Variants in DMD observed in about 807,000 individuals in gnomAD.
DMD encodes the protein dystrophin, also known as mutant dystrophin.
DMD carries 63 observed loss-of-function variants against 330.1 expected under a neutral mutation model. That is an observed-to-expected ratio of 0.19 (90% confidence interval 0.16 to 0.24). DMD has a LOEUF of 0.24. DMD is among the 10% of genes least tolerant of loss of function. The pLI, the probability that DMD is intolerant of heterozygous loss-of-function variation, is 1.00. For synonymous variants in DMD, 1,223 were observed against 959.8 expected (o/e 1.27, Z -5.07); for missense variants, 3,344 against 2,684.1 (o/e 1.25, Z -5.43).
intron 37 of DMD, among the ~76,000 whole-genome samples, chrX:32,352,036 T>C (rs1334125001): frequency 9.0e-6 from 1 of 111,230 alleles, no homozygotes; most frequent in Non-Finnish European, 1.9e-5. Context: ...TAGTTTTATT[T>C]TGTGTAGTTT....
intron 1 of DMD, among the ~76,000 whole-genome samples, chrX:33,133,244 A>G (rs2095509371): frequency 9.0e-6 from 1 of 111,593 alleles, no homozygotes; most frequent in Admixed American, 9.6e-5. Context: ...GTACAAACCT[A>G]AATATACAGT....
intron 59 of DMD, among the ~76,000 whole-genome samples, chrX:31,448,107 AC>A (rs2065429446): frequency 9.1e-6 from 1 of 110,431 alleles, no homozygotes; most frequent in Non-Finnish European, 1.9e-5. Context: ...GGAAGCTTTG[AC>A]TGGTGTGAGG....
intron 60 of DMD, among the ~76,000 whole-genome samples, chrX:31,395,832 C>T (rs902987221): frequency 1.2e-4 from 13 of 111,908 alleles, no homozygotes; most frequent in Non-Finnish European, 1.9e-4. Flanking sequence ...GTGTTTTTTG[C>T]TGCCATTGCA....
At chrX:31,772,017 T>C (rs1002504845) in intron 51 of DMD, among the ~76,000 whole-genome samples, 1 of 111,997 alleles carries the variant, frequency 8.9e-6, no homozygotes, top group Non-Finnish European at 1.9e-5. Context: ...GGAAGCTATG[T>C]CAATGGTAGA....
intron 15 of DMD, among the ~76,000 whole-genome samples, chrX:32,571,985 C>A (rs958852345): frequency 8.9e-6 from 1 of 111,985 alleles, no homozygotes; most frequent in African/African-American, 3.2e-5. Flanking sequence ...GATTCTTTTG[C>A]AAACTCTCAA....
At chrX:32,244,423 G>A (rs374475979) in intron 43 of DMD, among the ~76,000 whole-genome samples, 4 of 79,471 alleles carry the variant, frequency 5.0e-5, no homozygotes, top group Non-Finnish European at 7.1e-5. Flanking sequence ...ATAAACATAC[G>A]TGTGCATGTG....
intron 7 of DMD, among the ~76,000 whole-genome samples, chrX:32,733,332 C>G (rs1353493198): frequency 9.1e-6 from 1 of 109,924 alleles, no homozygotes; most frequent in African/African-American, 3.4e-5. Flanking sequence ...TAACACCCCA[C>G]TGTCAACATT....
intron 42 of DMD, among the ~76,000 whole-genome samples, chrX:32,293,488 G>A (rs2097482435): frequency 9.0e-6 from 1 of 110,963 alleles, no homozygotes; most frequent in Non-Finnish European, 1.9e-5. Flanking sequence ...AAGTCAGCTC[G>A]GGCAATTTAG....
At chrX:31,964,950 G>T (rs2095338871) in intron 45 of DMD, among the ~76,000 whole-genome samples, 1 of 111,206 alleles carries the variant, frequency 9.0e-6, no homozygotes. Flanking sequence ...AAAGAAGAAA[G>T]AATTATAATG....
intron 9 of DMD, among the ~76,000 whole-genome samples, chrX:32,676,815 T>C (rs1413559227): frequency 9.0e-6 from 1 of 111,459 alleles, no homozygotes; most frequent in Admixed American, 9.6e-5. Flanking sequence ...AGTATTTTAT[T>C]TTATAGTGTA....
chrX:31,305,924 G>A (rs916446254), intron 62 of DMD, among the ~76,000 whole-genome samples: 10 of 112,292 alleles, frequency 8.9e-5, no homozygotes, highest in African/African-American at 2.6e-4. Flanking sequence ...GGCAATAAGT[G>A]TACTTTACAT....
chrX:32,440,662 G>C (rs1294544431), intron 28 of DMD, among the ~76,000 whole-genome samples: 1 of 111,271 alleles, frequency 9.0e-6, no homozygotes, highest in Non-Finnish European at 1.9e-5. Flanking sequence ...AGTCTCCAAA[G>C]TAAAACTTAA....
At chrX:33,088,205 A>T (rs2095035238) in intron 1 of DMD, among the ~76,000 whole-genome samples, 1 of 110,848 alleles carries the variant, frequency 9.0e-6, no homozygotes, top group Admixed American at 9.7e-5. Flanking sequence ...ACAGGCATGC[A>T]GCTAATTTTT....
At chrX:31,487,302 A>G (rs2068884334) in intron 57 of DMD, among the ~76,000 whole-genome samples, 1 of 107,226 alleles carries the variant, frequency 9.3e-6, no homozygotes, top group Admixed American at 1.0e-4. Context: ...TCTGTCACTC[A>G]GGCTGGAGTG....
At chrX:32,800,616 G>A (rs1454803367) in intron 7 of DMD, among the ~76,000 whole-genome samples, 1 of 110,978 alleles carries the variant, frequency 9.0e-6, no homozygotes, top group African/African-American at 3.3e-5. Context: ...GTGCAGGTTT[G>A]TTACATAGGT....
intron 4 of DMD, among the ~76,000 whole-genome samples, chrX:32,835,944 T>A (rs193156900): frequency 2.5e-3 from 280 of 111,098 alleles, no homozygotes; most frequent in Non-Finnish European, 4.3e-3. Flanking sequence ...TTTTCATAGG[T>A]TTATAGAATT....
chrX:33,045,603 TGAGA>T (rs2094369028), intron 1 of DMD, among the ~76,000 whole-genome samples: 1 of 110,122 alleles, frequency 9.1e-6, no homozygotes, highest in African/African-American at 3.3e-5. Context: ...AGGGGGAAGT[TGAGA>T]GAGTTACAGA....
intron 55 of DMD, among the ~76,000 whole-genome samples, chrX:31,596,129 C>T (rs925746526): frequency 9.0e-6 from 1 of 111,064 alleles, no homozygotes; most frequent in Non-Finnish European, 1.9e-5. Flanking sequence ...AATTTGTTCT[C>T]AATTATTTTG....
At chrX:31,207,180 G>A (rs745942303) in intron 65 of DMD, among the ~76,000 whole-genome samples, 4 of 110,561 alleles carry the variant, frequency 3.6e-5, no homozygotes, top group African/African-American at 1.3e-4. Flanking sequence ...ATTACTTCAG[G>A]CCACATAACA....
Sources: gnomAD v4.1 joint callset for allele counts (sites outside exome capture counted in the v4.1 genomes callset) on GRCh38, gnomAD v4.1.1 for gene constraint, MANE v1.5 for transcripts, NCBI Gene and HGNC (gene_info 2026-07-23, HGNC 2026-07-21) for gene names.